Variants in XK observed in about 807,000 individuals in gnomAD.
XK encodes X-linked Kx blood group antigen, Kell and VPS13A binding protein.
In XK, 2 loss-of-function variants were observed where a neutral mutation model predicts 14.0. The ratio of observed to expected loss-of-function variants is 0.14; its 90% CI spans 0.06 to 0.45. The LOEUF is 0.45. Ranked by LOEUF, XK falls within the 20% of genes least tolerant of loss-of-function variation. The probability of loss-of-function intolerance (pLI) is 0.98; values close to 1 mark genes in which losing one functional copy is unlikely to be tolerated. For missense variants in XK, 235 were observed against 341.5 expected, an observed-to-expected ratio of 0.69 and a Z score of 2.46; for synonymous variants, 149 against 147.5, an observed-to-expected ratio of 1.01 and a Z score of -0.08.
At position 37,686,024 on chromosome X, in the gene XK, G is replaced by T. The variant is rs1927060162; in HGVS notation, c.63G>T (p.Ala21=). Residue 21 remains alanine, a synonymous_variant, in exon 1 of 3, where the codon GCG becomes GCT. Coordinates refer to ENST00000378616, the MANE Select transcript of XK (RefSeq NM_021083.4). Reference sequence around the variant, plus strand: ...TGTTCGTGGCCGAGACAACGGCGGCGCTCAGCCTGAGCAGCACCTACCGCT... The same window carrying T: ...TGTTCGTGGCCGAGACAACGGCGGCTCTCAGCCTGAGCAGCACCTACCGCT... ...VFLFVAETTA[A]LSLSSTYRSG... The T allele has an allele frequency of 1.7e-6, 2 of 1,207,930 alleles. No homozygotes were observed. The highest frequency in any genetic ancestry group is 1.1e-6 in the Non-Finnish European group (1 of 894,232).
chrX:37,688,152 C>T (rs1440741679), intron 1 of XK, among the ~76,000 whole-genome samples: 1 of 105,335 alleles, frequency 9.5e-6, no homozygotes, highest in Non-Finnish European at 1.9e-5. Flanking sequence ...GCTCCGCTTC[C>T]CAGGTTCACG....
At position 37,686,175 on chromosome X, in the gene XK, C is replaced by T. The variant is rs1927070383; in HGVS notation, c.214C>T (p.Leu72=). 8.3e-7 allele frequency: 1 copy of T among 1,208,474 alleles called. No individual in the cohort carries two copies. The highest frequency in any genetic ancestry group is 3.0e-5 in the East Asian group (1 of 33,793). ...CCGCGACCGCCCGCTCGTACTGCTG[C>T]TGCACCTGCTGCAACTTGGGCCCCT... ...LSRDRPLVLL[L]HLLQLGPLFR... is the part of the protein sequence containing the mutation. Residue 72 remains leucine (L), a synonymous_variant, in exon 1 of 3, where the codon CTG becomes TTG. Transcript: ENST00000378616.
chrX:37,702,101 G>T (rs1927428563), intron 2 of XK, among the ~76,000 whole-genome samples: 1 of 111,901 alleles, frequency 8.9e-6, no homozygotes, highest in Admixed American at 9.5e-5. Context: ...TCGGCCAGGG[G>T]AGGGGGTGCT....
chrX:37,721,323 C>T (rs1556448890), intron 2 of XK, among the ~76,000 whole-genome samples: 1 of 110,883 alleles, frequency 9.0e-6, no homozygotes, highest in Admixed American at 9.6e-5. Flanking sequence ...GCAGATCTGG[C>T]CTTTGAATTC....
chrX:37,698,227 T>G (rs1927339856), intron 2 of XK, among the ~76,000 whole-genome samples: 1 of 111,800 alleles, frequency 8.9e-6, no homozygotes, highest in Admixed American at 9.5e-5. Context: ...AACCCTTGAT[T>G]TGTGCCAGGC....
Position 37,694,557 on chromosome X carries a change from A to AT in XK, c.508+15dup, listed in dbSNP as rs782127969. On this transcript the variant is annotated intron_variant, in intron 2 of 2. Coordinates refer to ENST00000378616, the MANE Select transcript of XK (RefSeq NM_021083.4). ...CGTCACTGTTGGAAGAAGTACGTGTATTTTTTATTTCTGCCTGCATTTGGG... is the reference window on the plus strand; with the variant it reads ...CGTCACTGTTGGAAGAAGTACGTGTATTTTTTTATTTCTGCCTGCATTTGGG... 1.2e-5 allele frequency: 14 copies of AT among 1,184,441 alleles called. No homozygotes were observed. The African/African-American group carries it at 2.3e-4, about 19-fold the overall frequency.
At chrX:37,704,662 C>A (rs1295205286) in intron 2 of XK, among the ~76,000 whole-genome samples, 2 of 111,660 alleles carry the variant, frequency 1.8e-5, no homozygotes, top group African/African-American at 6.5e-5. Context: ...ATGATGAAAC[C>A]CTGTCTCTAC....
chrX:37,726,587 T>C (rs1248899961), intron 2 of XK, among the ~76,000 whole-genome samples: 4 of 112,072 alleles, frequency 3.6e-5, no homozygotes, highest in Non-Finnish European at 7.5e-5. Flanking sequence ...GTTGGCATCA[T>C]ATATCTTAGA....
intron 1 of XK, among the ~76,000 whole-genome samples, chrX:37,692,193 C>T (rs1428974612): frequency 9.0e-6 from 1 of 110,546 alleles, no homozygotes; most frequent in African/African-American, 3.3e-5. Context: ...TGAGATCATA[C>T]GTGATAACAT....
intron 2 of XK, among the ~76,000 whole-genome samples, chrX:37,717,948 T>C (rs782095513): frequency 9.9e-4 from 111 of 112,095 alleles, no homozygotes; most frequent in African/African-American, 3.4e-3. Flanking sequence ...GGGAAAAATA[T>C]CTCTGAAACA....
intron 1 of XK, among the ~76,000 whole-genome samples, chrX:37,687,565 G>T (rs1556440566): frequency 9.1e-6 from 1 of 109,951 alleles, no homozygotes; most frequent in African/African-American, 3.3e-5. Flanking sequence ...TCTCTATGTT[G>T]CCCAGTATGG....
rs180937360 is a variant in XK at position 37,729,835 on chromosome X, C to T, written c.*1373C>T. 1 of 111,533 alleles carries T rather than the reference C, an allele frequency of 9.0e-6. No homozygotes were observed. Among genetic ancestry groups the T allele is most frequent in the African/African-American group, 3.3e-5 (1 of 30,715 alleles). The allele number at this position is 111,533 out of a possible 1,213,427, so 9.2% of individuals were successfully genotyped here. A position where few individuals can be genotyped will look rare whatever the true frequency, so the allele number is the denominator to read the frequency against. On this transcript the variant is annotated 3_prime_UTR_variant, in exon 3 of 3. Coordinates refer to ENST00000378616, the MANE Select transcript of XK (RefSeq NM_021083.4). ...GAATAGGGATCCACTTCTCTGTTAA[C>T]CTACAAAACGTATTTATCTGGCCAT...
chrX:37,703,204 G>A (rs1353939983), intron 2 of XK, among the ~76,000 whole-genome samples: 1 of 112,262 alleles, frequency 8.9e-6, no homozygotes, highest in Non-Finnish European at 1.9e-5. Flanking sequence ...CTCCTTCAGA[G>A]TCTTCATGAA....
intron 2 of XK, among the ~76,000 whole-genome samples, chrX:37,706,284 C>T (rs1449717195): frequency 9.0e-6 from 1 of 111,479 alleles, no homozygotes; most frequent in East Asian, 2.8e-4. Flanking sequence ...AGTGACAGTA[C>T]AATGTTTAGA....
chrX:37,717,003 G>C lies in XK; in HGVS notation c.509-10633G>C, dbSNP rs781912661. ...AGCATAGTGAGGCTTACCCATTCCC[G>C]GGTGCCTGACCAGCATGATTTCAGA... On this transcript the variant is annotated intron_variant, in intron 2 of 2. Transcript: ENST00000378616. Among the ~76,000 whole-genome samples the C allele has an allele frequency of 2.8e-3, 308 of 111,545 alleles. 5 individuals are homozygous for C. Among genetic ancestry groups the C allele is most frequent in the Middle Eastern group, 9.3e-3 (2 of 216 alleles).
chrX:37,703,956 CA>C (rs1321457472), intron 2 of XK, among the ~76,000 whole-genome samples: 2 of 111,907 alleles, frequency 1.8e-5, no homozygotes, highest in Admixed American at 1.9e-4. Flanking sequence ...TTGGACTTTG[CA>C]AACTTAGATT....
At chrX:37,722,466 G>A (rs1330347893) in intron 2 of XK, among the ~76,000 whole-genome samples, 6 of 111,464 alleles carry the variant, frequency 5.4e-5, no homozygotes, top group Admixed American at 9.5e-5. Context: ...GCTCCAGATC[G>A]TAAGAAAGAC....
rs187334730 is a variant in XK, at chrX:37,726,503, G to C, written c.509-1133G>C. Among the ~76,000 whole-genome samples the C allele has an allele frequency of 1.1e-4, 12 of 111,097 alleles. No individual in the cohort carries two copies. In the East Asian group the frequency reaches 3.4e-3, roughly 32 times the overall value. On this transcript the variant is annotated intron_variant, in intron 2 of 2. Coordinates refer to ENST00000378616, the MANE Select transcript of XK (RefSeq NM_021083.4). ...ATAGCCCTGCTTCCCATCCTTCCTTGTGCCAGTATTTAGAGATGTTGGCAG... is the reference window on the plus strand; with the variant it reads ...ATAGCCCTGCTTCCCATCCTTCCTTCTGCCAGTATTTAGAGATGTTGGCAG...
At chrX:37,721,723 T>C (rs894770247) in intron 2 of XK, among the ~76,000 whole-genome samples, 1 of 111,603 alleles carries the variant, frequency 9.0e-6, no homozygotes, top group Non-Finnish European at 1.9e-5. Context: ...AAAGAAAATA[T>C]ATGTTCACAC....
Sources: gnomAD v4.1 joint callset for allele counts (sites outside exome capture counted in the v4.1 genomes callset) on GRCh38, gnomAD v4.1.1 for gene constraint, MANE v1.5 for transcripts, NCBI Gene and HGNC (gene_info 2026-07-23, HGNC 2026-07-21) for gene names.